Variants in SLCO1B1 observed in about 807,000 individuals in gnomAD.
SLCO1B1 encodes the protein solute carrier organic anion transporter family member 1B1, also known as OATP-2.
In SLCO1B1, 81 loss-of-function variants were observed where a neutral mutation model predicts 70.1. That is an observed-to-expected ratio of 1.16 (90% CI 0.97 to 1.39). The LOEUF is 1.39. Among genes scored for constraint, SLCO1B1 ranks in the 40% most tolerant of loss-of-function variants. The pLI is 0.00. For missense variants in SLCO1B1, 895 were observed against 799.6 expected (o/e 1.12, Z -1.44); for synonymous variants, 283 against 271.5 (o/e 1.04, Z -0.42).
chr12:21,220,171 G>A (rs534102927), intron 12 of SLCO1B1, among the ~76,000 whole-genome samples: 61 of 152,278 alleles, frequency 4.0e-4, no homozygotes, highest in Non-Finnish European at 7.8e-4. Flanking sequence ...AGTTCTGGAA[G>A]GATGGTGGTA....
chr12:21,223,255 G>A (rs988784769), intron 13 of SLCO1B1, among the ~76,000 whole-genome samples: 3 of 152,042 alleles, frequency 2.0e-5, no homozygotes, highest in African/African-American at 4.8e-5. Flanking sequence ...TCTGTGGCAC[G>A]ATGGAACCTA....
chr12:21,159,928 A>G (rs1940591936), intron 2 of SLCO1B1, among the ~76,000 whole-genome samples: 8 of 151,976 alleles, frequency 5.3e-5, no homozygotes, highest in Admixed American at 5.3e-4. Flanking sequence ...GAGGTGAAAA[A>G]TCTCTACAAT....
chr12:21,211,757 C>G (rs1277845665), intron 11 of SLCO1B1, among the ~76,000 whole-genome samples: 1 of 152,182 alleles, frequency 6.6e-6, no homozygotes, highest in Non-Finnish European at 1.5e-5. Context: ...TTGGTCTATT[C>G]AGAGATTCAA....
intron 2 of SLCO1B1, among the ~76,000 whole-genome samples, chr12:21,170,837 C>T (rs1285073150): frequency 6.6e-6 from 1 of 152,224 alleles, no homozygotes; most frequent in Non-Finnish European, 1.5e-5. Flanking sequence ...GAAAGGAACA[C>T]ACCCACATTT....
Position 21,136,526 on chromosome 12 carries a change from G to A in SLCO1B1, c.-61-4988G>A, listed in dbSNP as rs911619225. On this transcript the variant is annotated intron_variant, in intron 1 of 14. Transcript: ENST00000256958. ...CCCATATTTCTTGGAGGCTTTGTTC[G>A]TTTCTTTTTATTCTTTTTTCTCTAA... Among the ~76,000 whole-genome samples the A allele has an allele frequency of 4.9e-4, 74 of 152,114 alleles. 1 individual carries two copies. The highest frequency in any genetic ancestry group is 1.7e-3 in the Admixed American group (26 of 15,264).
At chr12:21,157,143 T>C (rs2121070528) in intron 2 of SLCO1B1, among the ~76,000 whole-genome samples, 1 of 152,254 alleles carries the variant, frequency 6.6e-6, no homozygotes, top group South Asian at 2.1e-4. Flanking sequence ...TTTTCATCTT[T>C]ATAAGGTTAG....
chr12:21,224,364 G>A (rs767690013), intron 13 of SLCO1B1, among the ~76,000 whole-genome samples: 3 of 151,672 alleles, frequency 2.0e-5, no homozygotes, highest in Non-Finnish European at 2.9e-5. Flanking sequence ...CTCCATTTCA[G>A]GTTTCTTTGC....
intron 11 of SLCO1B1, among the ~76,000 whole-genome samples, chr12:21,215,591 G>C (rs186315906): frequency 2.6e-5 from 4 of 152,192 alleles, no homozygotes; most frequent in Admixed American, 2.6e-4. Context: ...GTGTTTTGTT[G>C]AGGAATTTTG....
chr12:21,172,527 G>C lies in SLCO1B1; in HGVS notation c.85-123G>C, dbSNP rs113324831. 6.3e-6 allele frequency: 7 copies of C among 1,117,218 alleles called. No homozygotes were observed. The Admixed American group carries it at 1.1e-4, about 17-fold the overall frequency. The allele number at this position is 1,117,218 out of a possible 1,614,324, so 69.2% of individuals were successfully genotyped here. ...CCTGGTAAAAGGGAAAACTAAGTAT[G>C]GTTTTTAAGATACAAATAATGTTTT... On this transcript the variant is annotated intron_variant, in intron 2 of 14. Transcript: ENST00000256958.
At chr12:21,132,909 T>G (rs930513814) in intron 1 of SLCO1B1, among the ~76,000 whole-genome samples, 1 of 152,154 alleles carries the variant, frequency 6.6e-6, no homozygotes. Flanking sequence ...TCCTTGCCCA[T>G]GCCTATGTCC....
chr12:21,189,795 A>G (rs1026394824), intron 7 of SLCO1B1, among the ~76,000 whole-genome samples: 1 of 152,220 alleles, frequency 6.6e-6, no homozygotes, highest in African/African-American at 2.4e-5. Flanking sequence ...TTTGAAATAC[A>G]TATATAAGTG....
intron 2 of SLCO1B1, among the ~76,000 whole-genome samples, chr12:21,147,335 G>A (rs1940401253): frequency 6.6e-6 from 1 of 152,108 alleles, no homozygotes; most frequent in African/African-American, 2.4e-5. Flanking sequence ...TGTGCAGAAT[G>A]TGCACATTTG....
chr12:21,139,669 C>G (rs1020301271), intron 1 of SLCO1B1, among the ~76,000 whole-genome samples: 1 of 151,882 alleles, frequency 6.6e-6, no homozygotes, highest in African/African-American at 2.4e-5. Flanking sequence ...TTTGTAACAC[C>G]AAAATCAATA....
intron 8 of SLCO1B1, among the ~76,000 whole-genome samples, chr12:21,199,790 T>C (rs965659162): frequency 1.3e-4 from 19 of 141,730 alleles, no homozygotes; most frequent in African/African-American, 5.6e-4. Flanking sequence ...TTTGGGTTTT[T>C]TTGTTTGTTT....
chr12:21,177,369 A>G (rs1010045604), intron 5 of SLCO1B1, among the ~76,000 whole-genome samples: 4 of 152,210 alleles, frequency 2.6e-5, no homozygotes, highest in Non-Finnish European at 5.9e-5. Context: ...AGGAAATGGT[A>G]TAAATATGTA....
chr12:21,136,617 T>C (rs1303785487), intron 1 of SLCO1B1, among the ~76,000 whole-genome samples: 2 of 152,240 alleles, frequency 1.3e-5, no homozygotes. Flanking sequence ...TTCCAGTTGA[T>C]CCTATCAGCT....
At chr12:21,169,393 C>A (rs1228406531) in intron 2 of SLCO1B1, among the ~76,000 whole-genome samples, 1 of 152,038 alleles carries the variant, frequency 6.6e-6, no homozygotes, top group Non-Finnish European at 1.5e-5. Context: ...TGGATGGAGT[C>A]CCATAATTTC....
chr12:21,178,746 T>G (rs1468930589), intron 6 of SLCO1B1, 24 bp downstream of exon 6: 2 of 1,581,380 alleles, frequency 1.3e-6, no homozygotes, highest in South Asian at 2.2e-5. Flanking sequence ...AATATTAAAT[T>G]GTATGATCAC....
intron 1 of SLCO1B1, among the ~76,000 whole-genome samples, 152 bp from the exon 2 acceptor site, chr12:21,141,362 C>T (rs1260175821): frequency 2.6e-5 from 4 of 151,740 alleles, no homozygotes; most frequent in Non-Finnish European, 5.9e-5. Flanking sequence ...CTTTTGTTTC[C>T]AGCATTGACC....
Sources: allele counts gnomAD v4.1 joint callset (sites outside exome capture counted in the v4.1 genomes callset), GRCh38; gene constraint gnomAD v4.1.1; transcripts MANE v1.5; gene names NCBI Gene and HGNC (gene_info 2026-07-23, HGNC 2026-07-21).